The following REC114 variants were observed in gnomAD, a reference collection of about 807,000 sequenced individuals.
The protein encoded by REC114 is REC114 meiotic recombination protein.
In REC114, 27 loss-of-function variants were observed where a neutral mutation model predicts 31.3. That is an observed-to-expected ratio of 0.86 (90% CI 0.64 to 1.19). The LOEUF is 1.19. Ranked by LOEUF, REC114 falls within the 50% of genes most tolerant of loss-of-function variation. The pLI, the probability that REC114 is intolerant of heterozygous loss-of-function variation, is 0.00. For missense variants in REC114, 344 were observed against 326.9 expected, an observed-to-expected ratio of 1.05 and a Z score of -0.40; for synonymous variants, 134 against 127.7, an observed-to-expected ratio of 1.05 and a Z score of -0.33.
intron 1 of REC114, among the ~76,000 whole-genome samples, chr15:73,470,304 T>C (rs1199712711): frequency 1.3e-5 from 2 of 152,216 alleles, no homozygotes; most frequent in Admixed American, 6.5e-5. Context: ...GATATTTAGG[T>C]AAAATTTTTA....
chr15:73,487,610 C>T (rs901155507), intron 2 of REC114, among the ~76,000 whole-genome samples: 5 of 152,192 alleles, frequency 3.3e-5, no homozygotes, highest in Non-Finnish European at 7.4e-5. Flanking sequence ...GCTCCAAGGG[C>T]CTGGAAGGCC....
rs1329411979 is a variant in REC114 at position 73,559,876 on chromosome 15, T to C, written c.761T>C (p.Val254Ala). ...DQNFPAFVEE[V>A]EKELKKLAGL... ...AATTTCCCAGCATTTGTGGAAGAGG[T>C]AGAAAAGGAACTGAAAAAGCTGGCG... The change falls in exon 6 of 6, where the codon GTA (valine) becomes GCA (alanine). Residue 254 changes from valine (V) to alanine (A), a missense_variant. By Grantham distance (64) the Val-to-Ala change is moderately conservative. Coordinates refer to ENST00000331090, the MANE Select transcript of REC114 (RefSeq NM_001042367.2). 2.5e-6 allele frequency: 4 copies of C among 1,612,704 alleles called. No individual in the cohort carries two copies. The highest frequency in any genetic ancestry group is 1.7e-5 in the Admixed American group (1 of 59,720).
At chr15:73,530,033 C>T (rs1483264183) in intron 2 of REC114, among the ~76,000 whole-genome samples, 1 of 152,114 alleles carries the variant, frequency 6.6e-6, no homozygotes, top group Non-Finnish European at 1.5e-5. Context: ...GCCTATAGTT[C>T]AGCATGAAAC....
intron 1 of REC114, among the ~76,000 whole-genome samples, chr15:73,466,547 C>G (rs569378401): frequency 6.6e-6 from 1 of 152,048 alleles, no homozygotes; most frequent in Non-Finnish European, 1.5e-5. Context: ...GAGCAAGACT[C>G]CCGCTGGGGG....
chr15:73,508,445 A>ATTTTTT (rs1021927809), intron 2 of REC114, among the ~76,000 whole-genome samples: 1 of 142,662 alleles, frequency 7.0e-6, no homozygotes, highest in East Asian at 2.0e-4. Flanking sequence ...TTCTTTTTTA[A>ATTTTTT]TTTTTTTTTT....
At chr15:73,529,831 G>T (rs1386101469) in intron 2 of REC114, among the ~76,000 whole-genome samples, 1 of 152,130 alleles carries the variant, frequency 6.6e-6, no homozygotes, top group Non-Finnish European at 1.5e-5. Flanking sequence ...AGCTCCTTGA[G>T]GGCAGGGACC....
intron 4 of REC114, 116 bp downstream of exon 4, chr15:73,551,266 T>A: frequency 2.9e-6 from 3 of 1,043,344 alleles, no homozygotes; most frequent in Non-Finnish European, 4.2e-6. Context: ...AAAAAACATC[T>A]ATGTTCGGTG....
intron 3 of REC114, among the ~76,000 whole-genome samples, chr15:73,548,754 A>G (rs1009102353): frequency 6.6e-6 from 1 of 152,210 alleles, no homozygotes; most frequent in African/African-American, 2.4e-5. Flanking sequence ...TTGTGGCACT[A>G]TTCACAATAG....
At chr15:73,478,613 A>G (rs957102924) in intron 2 of REC114, among the ~76,000 whole-genome samples, 5 of 152,204 alleles carry the variant, frequency 3.3e-5, no homozygotes, top group South Asian at 2.1e-4. Flanking sequence ...CCTACAAAAA[A>G]GCTTGCTGGG....
At chr15:73,478,534 T>G (rs1255942648) in intron 2 of REC114, among the ~76,000 whole-genome samples, 1 of 152,202 alleles carries the variant, frequency 6.6e-6, no homozygotes, top group African/African-American at 2.4e-5. Context: ...TCCAACTGTG[T>G]TCTTTTTCAA....
intron 3 of REC114, among the ~76,000 whole-genome samples, chr15:73,548,417 C>G (rs931256989): frequency 6.6e-6 from 1 of 152,108 alleles, no homozygotes; most frequent in Non-Finnish European, 1.5e-5. Context: ...TGAATAGACA[C>G]TTTTTAAAAG....
chr15:73,529,892 T>C lies in REC114; in HGVS notation c.250-10593T>C, dbSNP rs111259293. Among the ~76,000 whole-genome samples, 786 of 152,320 alleles carry C rather than the reference T, an allele frequency of 5.2e-3. 15 individuals are homozygous for C. Among genetic ancestry groups the C allele is most frequent in the African/African-American group, 0.018 (757 of 41,560 alleles). ...TTATAGGACATAGCACGTAATCTGGTACATACTTCTGGAACAAATATAATA... is the reference window on the plus strand; with the variant it reads ...TTATAGGACATAGCACGTAATCTGGCACATACTTCTGGAACAAATATAATA... On this transcript the variant is annotated intron_variant, in intron 2 of 5. Coordinates refer to ENST00000331090, the MANE Select transcript of REC114 (RefSeq NM_001042367.2).
At chr15:73,525,021 TC>T (rs1422795601) in intron 2 of REC114, among the ~76,000 whole-genome samples, 1 of 152,148 alleles carries the variant, frequency 6.6e-6, no homozygotes, top group African/African-American at 2.4e-5. Flanking sequence ...CAAAGCACAA[TC>T]AAAGCAGTGG....
chr15:73,454,458 A>G (rs1892890818), intron 1 of REC114, among the ~76,000 whole-genome samples: 1 of 152,144 alleles, frequency 6.6e-6, no homozygotes, highest in African/African-American at 2.4e-5. Flanking sequence ...AGTTCTTCTG[A>G]GAGGCTTGGC....
intron 1 of REC114, among the ~76,000 whole-genome samples, chr15:73,455,305 A>G (rs1325131616): frequency 1.3e-5 from 2 of 152,218 alleles, no homozygotes; most frequent in Non-Finnish European, 2.9e-5. Context: ...AAGCATAAAA[A>G]TATATTATTG....
intron 2 of REC114, chr15:73,483,538 C>T (rs1011262224): frequency 2.0e-5 from 3 of 152,552 alleles, no homozygotes; most frequent in African/African-American, 7.2e-5. Flanking sequence ...CTGCTGTGTT[C>T]TTCATAATTG....
intron 2 of REC114, among the ~76,000 whole-genome samples, chr15:73,519,658 CAA>C (rs1324969491): frequency 1.3e-5 from 2 of 152,204 alleles, no homozygotes; most frequent in Non-Finnish European, 2.9e-5. Context: ...AGCAGGGTCT[CAA>C]AGAGATATTC....
At chr15:73,463,051 A>T (rs562495749) in intron 1 of REC114, among the ~76,000 whole-genome samples, 1 of 152,278 alleles carries the variant, frequency 6.6e-6, no homozygotes, top group South Asian at 2.1e-4. Flanking sequence ...GACTTTAAAA[A>T]AGCATAACCA....
At chr15:73,540,068 A>G (rs1171334701) in intron 2 of REC114, among the ~76,000 whole-genome samples, 1 of 152,178 alleles carries the variant, frequency 6.6e-6, no homozygotes, top group African/African-American at 2.4e-5. Context: ...TAAGATTCTT[A>G]TGAAGAGAAT....
Sources: allele counts gnomAD v4.1 joint callset (sites outside exome capture counted in the v4.1 genomes callset), GRCh38; gene constraint gnomAD v4.1.1; transcripts MANE v1.5; gene names NCBI Gene and HGNC (gene_info 2026-07-23, HGNC 2026-07-21).